The following IFT122 variants were observed in gnomAD, a reference collection of about 807,000 sequenced individuals.
IFT122 encodes intraflagellar transport protein 122 homolog.
A neutral mutation model predicts 161.6 loss-of-function variants in IFT122; 118 were observed. That is an observed-to-expected ratio of 0.73 (90% confidence interval 0.63 to 0.85). IFT122 has a LOEUF of 0.85. Ranked by LOEUF, IFT122 falls within the 40% of genes least tolerant of loss-of-function variation. The probability of loss-of-function intolerance (pLI) is 0.00; values close to 1 mark genes in which losing one functional copy is unlikely to be tolerated. For missense variants in IFT122, 1,381 were observed against 1,579.6 expected (o/e 0.87, Z 2.13); for synonymous variants, 550 against 602.4 (o/e 0.91, Z 1.27).
At chr3:129,455,898 TGAGGAGGAG>T (rs57434974) in intron 3 of IFT122, among the ~76,000 whole-genome samples, 10 of 150,728 alleles carry the variant, frequency 6.6e-5, no homozygotes, top group South Asian at 2.1e-4. Flanking sequence ...TTGAATAGGC[TGAGGAGGAG>T]GAGGAGGAGG....
chr3:129,497,691 T>C (rs2081042103), intron 18 of IFT122, among the ~76,000 whole-genome samples: 1 of 152,218 alleles, frequency 6.6e-6, no homozygotes, highest in Non-Finnish European at 1.5e-5. Context: ...TTTTTGGTTT[T>C]AGTTTTTGAT....
At chr3:129,516,693 T>TGCGCGCGC (rs1309369452) in intron 26 of IFT122, among the ~76,000 whole-genome samples, 1 of 54,044 alleles carries the variant, frequency 1.9e-5, no homozygotes. Context: ...AGATTGCTCC[T>TGCGCGCGC]GCACACACAC....
chr3:129,499,742 T>A (rs566811334), intron 18 of IFT122, among the ~76,000 whole-genome samples, 160 bp from the exon 19 acceptor site: 3 of 152,162 alleles, frequency 2.0e-5, no homozygotes, highest in Non-Finnish European at 4.4e-5. Context: ...TCCCGAGACC[T>A]GGGACTCCCC....
intron 9 of IFT122, among the ~76,000 whole-genome samples, chr3:129,471,388 C>G (rs1452441667): frequency 6.6e-6 from 1 of 152,210 alleles, no homozygotes; most frequent in African/African-American, 2.4e-5. Context: ...TTCCCTGGCC[C>G]TCTCTATTCA....
intron 3 of IFT122, among the ~76,000 whole-genome samples, chr3:129,453,699 A>G (rs964844033): frequency 6.6e-6 from 1 of 152,222 alleles, no homozygotes; most frequent in African/African-American, 2.4e-5. Context: ...AGAGGACAGC[A>G]ATGGAGAAGT....
At chr3:129,494,268 A>G (rs1409051516) in intron 17 of IFT122, among the ~76,000 whole-genome samples, 1 of 151,460 alleles carries the variant, frequency 6.6e-6, no homozygotes, top group East Asian at 1.9e-4. Flanking sequence ...CTGGCCTACA[A>G]CTCCTGGGCT....
intron 24 of IFT122, chr3:129,513,746 G>C (rs952299018): frequency 5.3e-5 from 10 of 189,226 alleles, no homozygotes; most frequent in Non-Finnish European, 1.1e-4. Context: ...CACTGCAGAC[G>C]GCGGGAGCAG....
rs1250272592 is a variant in IFT122, at chr3:129,513,895, G to A, written c.2988-494G>A. ...AGGGGGCCCCAGAGCACAGGCTGCC[G>A]CTCAGAAACTGCCCACCAGGCCCTC... On this transcript the variant is annotated intron_variant, in intron 24 of 29. Transcript: ENST00000348417. 9 of 266,674 alleles carry A rather than the reference G, an allele frequency of 3.4e-5. No individual in the cohort carries two copies. In the East Asian group the frequency reaches 3.4e-4, roughly 10 times the overall value. 16.5% of individuals were successfully genotyped at this position (266,674 alleles called of 1,614,324 possible). A position where few individuals can be genotyped will look rare whatever the true frequency, so the allele number is the denominator to read the frequency against.
At chr3:129,488,497 C>G (rs1215500990) in intron 16 of IFT122, 100 bp downstream of exon 16, 4 of 1,508,486 alleles carry the variant, frequency 2.7e-6, no homozygotes, top group African/African-American at 1.4e-5. Flanking sequence ...TAGACTGCAG[C>G]AGTCTCTGGA....
chr3:129,513,687 G>C (rs531799197), intron 24 of IFT122: 1 of 161,974 alleles, frequency 6.2e-6, no homozygotes, highest in African/African-American at 2.4e-5. Flanking sequence ...AGTCATGCTG[G>C]AGACACAGAA....
chr3:129,495,883 C>T (rs1286188891), intron 18 of IFT122, among the ~76,000 whole-genome samples: 1 of 152,222 alleles, frequency 6.6e-6, no homozygotes, highest in Admixed American at 6.5e-5. Context: ...TACACCAGCA[C>T]AATCCCTTCA....
chr3:129,518,271 C>G (rs566455545), intron 27 of IFT122, among the ~76,000 whole-genome samples: 2 of 152,216 alleles, frequency 1.3e-5, no homozygotes, highest in Non-Finnish European at 2.9e-5. Context: ...GCTCAGCCTG[C>G]CCCTTGGCCA....
At chr3:129,476,257 T>G in intron 9 of IFT122, 58 bp from the exon 10 acceptor site, 11 of 1,590,040 alleles carry the variant, frequency 6.9e-6, no homozygotes, top group Non-Finnish European at 7.8e-6. Context: ...TTAATTGTAT[T>G]GCAATGGTTA....
At position 129,479,934 on chromosome 3, in the gene IFT122, C is replaced by T; in HGVS notation, c.1488+12C>T. On this transcript the variant is annotated intron_variant, in intron 13 of 29. Coordinates refer to ENST00000348417, the MANE Select transcript of IFT122 (RefSeq NM_052989.3). ...TGAAGAATGGACAGGTGAGTGCTCC[C>T]TCACGTCTCCTGTCAGGCTGATAAT... 1.2e-6 allele frequency: 2 copies of T among 1,613,714 alleles called. No individual in the cohort carries two copies. Among genetic ancestry groups the T allele is most frequent in the East Asian group, 2.2e-5 (1 of 44,876 alleles).
At chr3:129,519,836 A>C in intron 29 of IFT122, 104 bp downstream of exon 29, 4 of 1,362,992 alleles carry the variant, frequency 2.9e-6, no homozygotes, top group African/African-American at 1.4e-5. Flanking sequence ...GGGCACATCC[A>C]TGGCTCCAAG....
chr3:129,444,265 G>A (rs564952157), intron 1 of IFT122, among the ~76,000 whole-genome samples: 30 of 152,324 alleles, frequency 2.0e-4, no homozygotes, highest in African/African-American at 6.7e-4. Flanking sequence ...GGAAGAAAGC[G>A]TAAGAAACAA....
intron 18 of IFT122, among the ~76,000 whole-genome samples, chr3:129,497,266 CAA>C (rs995473808): frequency 6.6e-6 from 1 of 150,866 alleles, no homozygotes; most frequent in South Asian, 2.1e-4. Flanking sequence ...AGACCCATGT[CAA>C]AAAAAAATAA....
chr3:129,518,568 T>A (rs2084309333), intron 27 of IFT122, among the ~76,000 whole-genome samples: 1 of 152,134 alleles, frequency 6.6e-6, no homozygotes, highest in Non-Finnish European at 1.5e-5. Flanking sequence ...TGATATGTGC[T>A]ATGGTGCTGG....
At chr3:129,492,415 G>T (rs2080242186) in intron 17 of IFT122, among the ~76,000 whole-genome samples, 1 of 152,158 alleles carries the variant, frequency 6.6e-6, no homozygotes, top group African/African-American at 2.4e-5. Context: ...GAGGCACATG[G>T]GTTCCGGATC....
Sources: gnomAD v4.1 joint callset for allele counts (sites outside exome capture counted in the v4.1 genomes callset) on GRCh38, gnomAD v4.1.1 for gene constraint, MANE v1.5 for transcripts, NCBI Gene and HGNC (gene_info 2026-07-23, HGNC 2026-07-21) for gene names.